Variants in RNF150 observed in about 807,000 individuals in gnomAD.
RNF150 encodes ring finger protein 150.
In RNF150, 24 loss-of-function variants were observed where a neutral mutation model predicts 39.3. The ratio of observed to expected loss-of-function variants is 0.61; its 90% CI spans 0.44 to 0.86. The LOEUF (loss-of-function observed/expected upper bound fraction) is 0.86. Ranked by LOEUF, RNF150 falls within the 40% of genes least tolerant of loss-of-function variation. The pLI is 0.00. For synonymous variants in RNF150, 255 were observed against 227.3 expected (o/e 1.12, Z -1.10); for missense variants, 502 against 587.8 (o/e 0.85, Z 1.51).
chr4:140,985,125 C>T (rs1462269672), intron 1 of RNF150, among the ~76,000 whole-genome samples: 2 of 152,062 alleles, frequency 1.3e-5, no homozygotes, highest in Non-Finnish European at 2.9e-5. Context: ...ATGGCTCATG[C>T]CTTAGTGACA....
At chr4:141,212,503 G>C (rs1319595265) in intron 1 of RNF150, among the ~76,000 whole-genome samples, 1 of 152,158 alleles carries the variant, frequency 6.6e-6, no homozygotes, top group Non-Finnish European at 1.5e-5. Flanking sequence ...GAATTCGCTT[G>C]TGGTGTTTTT....
At chr4:140,991,632 C>T (rs1734200950) in intron 1 of RNF150, among the ~76,000 whole-genome samples, 1 of 152,116 alleles carries the variant, frequency 6.6e-6, no homozygotes, top group African/African-American at 2.4e-5. Context: ...CACTGAATGT[C>T]AAGACTTCAA....
chr4:140,926,185 A>G, intron 4 of RNF150, 112 bp from the exon 5 acceptor site: 1 of 729,512 alleles, frequency 1.4e-6, no homozygotes, highest in Middle Eastern at 3.3e-4. Context: ...CAGAGCCAAG[A>G]CTCAAACCTC....
intron 5 of RNF150, among the ~76,000 whole-genome samples, chr4:140,922,638 C>T (rs1218335928): frequency 1.3e-5 from 2 of 151,400 alleles, no homozygotes; most frequent in Non-Finnish European, 2.9e-5. Context: ...TCATATGGAA[C>T]CAAAAAAGAG....
intron 1 of RNF150, among the ~76,000 whole-genome samples, chr4:140,980,329 C>T (rs1733813619): frequency 6.6e-6 from 1 of 152,052 alleles, no homozygotes; most frequent in Non-Finnish European, 1.5e-5. Context: ...AGGCATAAGC[C>T]ACCATGCCCG....
At chr4:141,078,891 A>T (rs926327714) in intron 1 of RNF150, among the ~76,000 whole-genome samples, 1 of 147,258 alleles carries the variant, frequency 6.8e-6, no homozygotes, top group African/African-American at 2.6e-5. Flanking sequence ...ATACACATAC[A>T]TATATATACA....
chr4:141,062,505 T>A (rs950925697), intron 1 of RNF150, among the ~76,000 whole-genome samples: 1 of 152,114 alleles, frequency 6.6e-6, no homozygotes, highest in African/African-American at 2.4e-5. Context: ...CTTTGTTTTT[T>A]TTTCCTTTAC....
At chr4:141,109,429 A>C (rs1739315786) in intron 1 of RNF150, among the ~76,000 whole-genome samples, 2 of 151,932 alleles carry the variant, frequency 1.3e-5, no homozygotes, top group South Asian at 4.1e-4. Flanking sequence ...TTTAAGTATA[A>C]TGGGCAATGA....
chr4:141,197,776 G>A (rs888681734), intron 1 of RNF150, among the ~76,000 whole-genome samples: 1 of 151,794 alleles, frequency 6.6e-6, no homozygotes, highest in Non-Finnish European at 1.5e-5. Flanking sequence ...TACTTGGGAG[G>A]CTGAGGCAGG....
chr4:140,968,662 G>A (rs1017575467), intron 1 of RNF150, among the ~76,000 whole-genome samples: 2 of 151,524 alleles, frequency 1.3e-5, no homozygotes, highest in Admixed American at 1.3e-4. Context: ...CTCCCACCAC[G>A]GCTGCTCCAG....
chr4:141,012,101 A>C (rs1735095628), intron 1 of RNF150, among the ~76,000 whole-genome samples: 1 of 152,234 alleles, frequency 6.6e-6, no homozygotes, highest in Non-Finnish European at 1.5e-5. Context: ...TATTGAAATT[A>C]TTGTGAAATA....
upstream of RNF150, among the ~76,000 whole-genome samples, chr4:141,134,634 CAAG>C (rs779530923): frequency 2.0e-5 from 3 of 152,210 alleles, no homozygotes; most frequent in South Asian, 2.1e-4. Context: ...GAAGCAGGCA[CAAG>C]AAGAACTACT....
intron 1 of RNF150, among the ~76,000 whole-genome samples, chr4:141,198,347 G>A (rs1400717994): frequency 5.3e-5 from 8 of 152,042 alleles, no homozygotes; most frequent in African/African-American, 1.7e-4. Flanking sequence ...TTCTTTATTT[G>A]TCTCTTTTCA....
intron 4 of RNF150, among the ~76,000 whole-genome samples, chr4:140,942,977 C>T (rs1732147858): frequency 6.6e-6 from 1 of 152,150 alleles, no homozygotes; most frequent in South Asian, 2.1e-4. Flanking sequence ...TCTCTGTCTT[C>T]TGTAGTGGGG....
chr4:141,204,422 C>T lies in RNF150; in HGVS notation c.-6+8372G>A, dbSNP rs140171713. 8.7e-4 allele frequency among the ~76,000 whole-genome samples: 133 copies of T among 152,286 alleles called. 1 individual carries two copies. Among genetic ancestry groups the T allele is most frequent in the African/African-American group, 3.0e-3 (126 of 41,538 alleles). Reference sequence around the variant, plus strand: ...ACCTTGCTTAAAATGCCTTCATTGCCTTCATGTTCTTCTTAGACAAAAAGA... The same window carrying T: ...ACCTTGCTTAAAATGCCTTCATTGCTTTCATGTTCTTCTTAGACAAAAAGA... On this transcript the variant is annotated intron_variant, in intron 1 of 7. Transcript: ENST00000420921.
intron 1 of RNF150, among the ~76,000 whole-genome samples, chr4:141,195,510 C>T (rs1209327492): frequency 6.6e-6 from 1 of 152,166 alleles, no homozygotes; most frequent in African/African-American, 2.4e-5. Context: ...GATCTCAGCT[C>T]TCTGGCTTCA....
chr4:141,139,207 A>G (rs1418308228), intron 1 of RNF150, among the ~76,000 whole-genome samples: 1 of 152,214 alleles, frequency 6.6e-6, no homozygotes, highest in Non-Finnish European at 1.5e-5. Context: ...TGATACAGCG[A>G]GACCCTGTCT....
intron 1 of RNF150, among the ~76,000 whole-genome samples, chr4:141,041,168 A>C (rs1736353535): frequency 6.6e-6 from 1 of 152,202 alleles, no homozygotes; most frequent in Non-Finnish European, 1.5e-5. Flanking sequence ...CTTGAGATAC[A>C]CAAAGCCTAG....
At position 141,087,531 on chromosome 4, in the gene RNF150, T is replaced by C. The variant is rs868268440; in HGVS notation, c.484+44794A>G. Among the ~76,000 whole-genome samples the C allele has an allele frequency of 1.4e-3, 212 of 151,796 alleles. 2 individuals carry two copies. Among genetic ancestry groups the C allele is most frequent in the Middle Eastern group, 0.014 (4 of 294 alleles). The stretch of plus-strand genomic sequence containing the variant: ...TCTATCTACCTTTTCTTTCTCTTTT[T>C]CCCCCATTTCTTTTAACTTTCAACA... On this transcript the variant is annotated intron_variant, in intron 1 of 6. Transcript: ENST00000515673.
Sources: gnomAD v4.1 joint callset for allele counts (sites outside exome capture counted in the v4.1 genomes callset) on GRCh38, gnomAD v4.1.1 for gene constraint, MANE v1.5 for transcripts, NCBI Gene and HGNC (gene_info 2026-07-23, HGNC 2026-07-21) for gene names.